LY96: variants seen among roughly 807,000 people sequenced by gnomAD.
The protein encoded by LY96 is lymphocyte antigen 96, also known as myeloid differentiation protein-2.
A neutral mutation model predicts 18.9 loss-of-function variants in LY96; 18 were observed. The observed-to-expected ratio is 0.95, with a 90% confidence interval of 0.66 to 1.41. LY96 has a LOEUF of 1.41. Ranked by LOEUF, LY96 falls within the 40% of genes most tolerant of loss-of-function variation. The pLI is 0.00. For synonymous variants in LY96, 66 were observed against 62.6 expected, an observed-to-expected ratio of 1.06 and a Z score of -0.26; for missense variants, 175 against 182.4, an observed-to-expected ratio of 0.96 and a Z score of 0.23.
At chr8:74,029,215 T>G, downstream of LY96, 1 of 578,606 alleles carries the variant, frequency 1.7e-6, no homozygotes, top group Non-Finnish European at 3.1e-6. Flanking sequence ...GGAGGCATGG[T>G]GCATCATGCA....
At chr8:74,004,645 ATTC>A in intron 1 of LY96, 148 bp from the exon 2 acceptor site, 1 of 724,864 alleles carries the variant, frequency 1.4e-6, no homozygotes, top group South Asian at 2.0e-5. Context: ...TGCTGATGTC[ATTC>A]TTCTGGGGAG....
the LY96 span, among the ~76,000 whole-genome samples, chr8:74,085,125 G>A: frequency 0.033 from 5,033 of 152,236 alleles, 154 homozygotes; most frequent in Non-Finnish European, 0.042. Context: ...TGCCAGCTGC[G>A]GCAGTAAATG....
intron 1 of LY96, among the ~76,000 whole-genome samples, chr8:73,995,014 A>G (rs79142015): frequency 0.031 from 4,777 of 152,272 alleles, 210 homozygotes; most frequent in Admixed American, 0.12. Context: ...TGATATTAAG[A>G]GGTGGGACTT....
chr8:73,998,532 A>G (rs1816197119), intron 1 of LY96, among the ~76,000 whole-genome samples: 1 of 151,984 alleles, frequency 6.6e-6, no homozygotes, highest in African/African-American at 2.4e-5. Flanking sequence ...AAGAAAAAAA[A>G]ATTCACTGGG....
Position 74,026,616 on chromosome 8 carries a change from G to A in LY96, c.332-173G>A, listed in dbSNP as rs150279912. Among the ~76,000 whole-genome samples, 26 of 152,246 alleles carry A rather than the reference G, an allele frequency of 1.7e-4. No individual in the cohort carries two copies. The South Asian group carries it at 2.3e-3, about 13-fold the overall frequency. ...AGGTGTACAGAGAGGCTCTAGGGGC[G>A]GAGAAAGGAAGCCACAGGAGAATAG... is the stretch of plus-strand genomic sequence containing the variant. On this transcript the variant is annotated intron_variant, in intron 3 of 4. Transcript: ENST00000284818.
chr8:74,073,225 T>G, the LY96 span, among the ~76,000 whole-genome samples: 8 of 152,242 alleles, frequency 5.3e-5, no homozygotes, highest in Non-Finnish European at 8.8e-5. Flanking sequence ...TACACCTGGC[T>G]CAGGAGAAGA....
chr8:74,005,822 G>C (rs926463363), intron 2 of LY96, among the ~76,000 whole-genome samples: 1 of 152,156 alleles, frequency 6.6e-6, no homozygotes, highest in East Asian at 1.9e-4. Context: ...GTAAGCTCTG[G>C]AATCCCAGAA....
At chr8:74,065,189 A>T in the LY96 span, among the ~76,000 whole-genome samples, 1 of 152,226 alleles carries the variant, frequency 6.6e-6, no homozygotes, top group Admixed American at 6.5e-5. Flanking sequence ...TTCTGGGCCA[A>T]ACCAATGTAA....
the LY96 span, among the ~76,000 whole-genome samples, chr8:74,043,065 ATACCTGGCCGGTTTGT>A: frequency 6.6e-6 from 1 of 152,268 alleles, no homozygotes; most frequent in South Asian, 2.1e-4. Context: ...ATGAGCCACC[ATACCTGGCCGGTTTGT>A]TACCTTTTGA....
the LY96 span, among the ~76,000 whole-genome samples, chr8:74,086,622 T>C: frequency 7.9e-5 from 12 of 152,264 alleles, 1 homozygote; most frequent in Admixed American, 7.2e-4. Context: ...ATAATTCATA[T>C]TCTAACTGAT....
the LY96 span, among the ~76,000 whole-genome samples, chr8:74,094,162 G>C: frequency 6.6e-6 from 1 of 152,064 alleles, no homozygotes; most frequent in African/African-American, 2.4e-5. Flanking sequence ...ACCTAATTGT[G>C]GGTGGGGTGT....
chr8:74,096,206 C>T, the LY96 span, among the ~76,000 whole-genome samples: 1 of 152,190 alleles, frequency 6.6e-6, no homozygotes, highest in African/African-American at 2.4e-5. Context: ...TTTAGCTGGT[C>T]TTCAAGCTTC....
At chr8:74,063,416 A>G in the LY96 span, among the ~76,000 whole-genome samples, 12 of 152,324 alleles carry the variant, frequency 7.9e-5, no homozygotes, top group Admixed American at 2.0e-4. Flanking sequence ...CATTTTAAAA[A>G]CAATCACCTA....
At chr8:74,088,083 AAGAATAGAATAGAATAGAATAGAAT>A in the LY96 span, among the ~76,000 whole-genome samples, 9 of 120,430 alleles carry the variant, frequency 7.5e-5, no homozygotes, top group Admixed American at 2.6e-4. Context: ...TCACTGAGAG[AAGAATAGAATAGAATAGAATAGAAT>A]AGAATAGAAT....
chr8:74,091,052 T>A, the LY96 span, among the ~76,000 whole-genome samples: 2 of 152,124 alleles, frequency 1.3e-5, no homozygotes, highest in Admixed American at 6.6e-5. Flanking sequence ...ACATAAGGCA[T>A]CATTAGATTT....
At chr8:73,993,722 C>T (rs1169035678) in intron 1 of LY96, among the ~76,000 whole-genome samples, 11 of 152,112 alleles carry the variant, frequency 7.2e-5, no homozygotes, top group African/African-American at 2.4e-4. Context: ...GGATTACAGG[C>T]GTGAGCCACC....
At position 73,996,373 on chromosome 8, in the gene LY96, C is replaced by CTTCCTTCA. The variant is rs1563707839; in HGVS notation, c.112+4821_112+4822insCCTTCATT. Among the ~76,000 whole-genome samples, 50 of 18,028 alleles carry CTTCCTTCA rather than the reference C, an allele frequency of 2.8e-3. 2 individuals carry two copies. Among genetic ancestry groups the CTTCCTTCA allele is most frequent in the East Asian group, 7.4e-3 (6 of 808 alleles). The allele number at this position is 18,028 out of a possible 152,430, so 11.8% of individuals were successfully genotyped here. A position where few individuals can be genotyped will look rare whatever the true frequency, so the allele number is the denominator to read the frequency against. On this transcript the variant is annotated intron_variant, in intron 1 of 4. Coordinates refer to ENST00000284818, the MANE Select transcript of LY96 (RefSeq NM_015364.5). ...CCTTCCTTCCTTCCTTCCTTCATTC[C>CTTCCTTCA]TTTCTTTCTTTCTTTCTTTCTTTCT...
intron 2 of LY96, among the ~76,000 whole-genome samples, chr8:74,008,389 C>T (rs1294331679): frequency 6.6e-6 from 1 of 152,212 alleles, no homozygotes; most frequent in Non-Finnish European, 1.5e-5. Context: ...AACTTCTACA[C>T]ACAGCACTGC....
chr8:74,034,914 G>C, the LY96 span, among the ~76,000 whole-genome samples: 1 of 152,146 alleles, frequency 6.6e-6, no homozygotes, highest in African/African-American at 2.4e-5. Flanking sequence ...GTAAAACAAG[G>C]GACTTTGCCT....
Sources: allele counts gnomAD v4.1 joint callset (sites outside exome capture counted in the v4.1 genomes callset), GRCh38; gene constraint gnomAD v4.1.1; transcripts MANE v1.5; gene names NCBI Gene and HGNC (gene_info 2026-07-23, HGNC 2026-07-21).